CHORDC1: variants seen among roughly 807,000 people sequenced by gnomAD.
The protein encoded by CHORDC1 is cysteine and histidine-rich domain-containing protein 1.
A neutral mutation model predicts 48.3 loss-of-function variants in CHORDC1; 25 were observed. That is an observed-to-expected ratio of 0.52 (90% CI 0.38 to 0.72). The LOEUF is 0.72. CHORDC1 is among the 30% of genes least tolerant of loss of function. The pLI is 0.00. For synonymous variants in CHORDC1, 128 were observed against 126.4 expected (o/e 1.01, Z -0.09); for missense variants, 317 against 388.7 (o/e 0.82, Z 1.55).
At chr11:90,211,544 G>C in intron 4 of CHORDC1, 1 of 375,916 alleles carries the variant, frequency 2.7e-6, no homozygotes. Flanking sequence ...AAATAATCAC[G>C]CTATTGTCAG....
At chr11:90,215,123 T>G in intron 3 of CHORDC1, 51 bp downstream of exon 3, 1 of 1,078,548 alleles carries the variant, frequency 9.3e-7, no homozygotes. Flanking sequence ...TGAAGCTTTC[T>G]ATAACATGTA....
At chr11:90,217,292 A>C (rs1341624228) in intron 2 of CHORDC1, among the ~76,000 whole-genome samples, 1 of 152,232 alleles carries the variant, frequency 6.6e-6, no homozygotes, top group Non-Finnish European at 1.5e-5. Flanking sequence ...CTGAGAACCA[A>C]AGAAGTAGAA....
intron 6 of CHORDC1, 56 bp from the exon 7 acceptor site, chr11:90,206,328 A>C: frequency 5.2e-6 from 5 of 958,260 alleles, no homozygotes; most frequent in Non-Finnish European, 6.7e-6. Context: ...GTTACATCTC[A>C]TACATATTTG....
chr11:90,217,912 A>G (rs926212985), intron 2 of CHORDC1: 1 of 283,598 alleles, frequency 3.5e-6, no homozygotes. Flanking sequence ...AAAAAAAAAA[A>G]CCCAGAATTA....
At chr11:90,216,632 G>T in intron 2 of CHORDC1, 1 of 393,274 alleles carries the variant, frequency 2.5e-6, no homozygotes, top group Non-Finnish European at 4.9e-6. Flanking sequence ...ATACTTCAAA[G>T]TGAATTCATT....
chr11:90,211,073 T>G, intron 5 of CHORDC1, 142 bp downstream of exon 5: 1 of 537,268 alleles, frequency 1.9e-6, no homozygotes, highest in Non-Finnish European at 3.3e-6. Flanking sequence ...GTTTATCATA[T>G]CTGACATTTA....
intron 6 of CHORDC1, chr11:90,209,007 G>A (rs1335104736): frequency 2.6e-5 from 4 of 151,918 alleles, no homozygotes; most frequent in Non-Finnish European, 2.9e-5. Flanking sequence ...TATTACTTAC[G>A]CTTGAAATAC....
chr11:90,216,205 C>G (rs1858007726), intron 2 of CHORDC1, among the ~76,000 whole-genome samples: 2 of 152,056 alleles, frequency 1.3e-5, no homozygotes, highest in African/African-American at 2.4e-5. Flanking sequence ...AAAAGTTTTA[C>G]TGTCTTAATC....
Position 90,210,589 on chromosome 11 carries a change from C to T in CHORDC1, c.439G>A (p.Asp147Asn), listed in dbSNP as rs767726337. Residue 147 changes from aspartate to asparagine, a missense_variant, in exon 6 of 11, where the codon GAC (aspartate) becomes AAC (asparagine). Coordinates refer to ENST00000320585, the MANE Select transcript of CHORDC1 (RefSeq NM_012124.3). ...SGNEENKKEE[D>N]NDEIKIGTSC... ...GTCCCAATCTTAATTTCATCATTGT[C>T]TTCTTCTGTAACAAAGAAAAAAAAA... is the stretch of plus-strand genomic sequence containing the variant. 13 of 1,574,214 alleles carry T rather than the reference C, an allele frequency of 8.3e-6. No individual in the cohort carries two copies. Among genetic ancestry groups the T allele is most frequent in the Non-Finnish European group, 1.0e-5 (12 of 1,148,112 alleles).
intron 8 of CHORDC1, among the ~76,000 whole-genome samples, chr11:90,205,155 G>T (rs899293675): frequency 6.6e-6 from 1 of 152,090 alleles, no homozygotes; most frequent in South Asian, 2.1e-4. Flanking sequence ...AAAACAAAAA[G>T]TAGGAAGAGG....
Position 90,202,324 on chromosome 11 carries a change from A to G in CHORDC1, c.*81T>C, listed in dbSNP as rs1857559630. The G allele has an allele frequency of 7.4e-7, 1 of 1,353,752 alleles. No individual in the cohort carries two copies. Among genetic ancestry groups the G allele is most frequent in the Non-Finnish European group, 1.0e-6 (1 of 970,818 alleles). 83.9% of individuals were successfully genotyped at this position (1,353,752 alleles called of 1,614,324 possible). A position where few individuals can be genotyped will look rare whatever the true frequency, so the allele number is the denominator to read the frequency against. On this transcript the variant is annotated 3_prime_UTR_variant, in exon 11 of 11. Transcript: ENST00000320585. Reference sequence around the variant, plus strand: ...CATTCAGTAACACAACAACAAAACAAAAGATTACAGCAGCAAGCCACCACT... The same window carrying G: ...CATTCAGTAACACAACAACAAAACAGAAGATTACAGCAGCAAGCCACCACT...
At chr11:90,203,015 A>AAAAGCCACTGAC (rs1857579696) in intron 9 of CHORDC1, 140 bp from the exon 10 acceptor site, 1 of 1,125,154 alleles carries the variant, frequency 8.9e-7, no homozygotes, top group Non-Finnish European at 1.2e-6. Context: ...TTCATATGAG[A>AAAAGCCACTGAC]AAAGCCACTG....
chr11:90,219,276 CA>C (rs1230407009), intron 1 of CHORDC1, among the ~76,000 whole-genome samples: 2 of 151,736 alleles, frequency 1.3e-5, no homozygotes, highest in Admixed American at 1.3e-4. Context: ...AAAAAACAAA[CA>C]AAAAAAACTC....
chr11:90,217,998 G>A (rs1156970504), intron 2 of CHORDC1, 137 bp downstream of exon 2: 5 of 529,982 alleles, frequency 9.4e-6, no homozygotes, highest in African/African-American at 2.0e-5. Context: ...TGGAGTATAC[G>A]CTTAAAGCAC....
At chr11:90,206,062 T>C (rs1209995602) in intron 7 of CHORDC1, 140 bp downstream of exon 7, 4 of 668,284 alleles carry the variant, frequency 6.0e-6, no homozygotes, top group Non-Finnish European at 1.1e-5. Flanking sequence ...CCTGTGTTTG[T>C]GTAGGCTATT....
At chr11:90,212,640 C>T (rs914308323) in intron 4 of CHORDC1, 73 of 152,050 alleles carry the variant, frequency 4.8e-4, no homozygotes, top group African/African-American at 1.7e-3. Context: ...CTGATATCCT[C>T]ATAATTGTTA....
intron 5 of CHORDC1, 143 bp from the exon 6 acceptor site, chr11:90,210,737 T>C (rs1857837779): frequency 9.9e-6 from 6 of 605,842 alleles, no homozygotes; most frequent in Non-Finnish European, 1.5e-5. Flanking sequence ...CCCAAATTGA[T>C]ATATGACACA....
intron 2 of CHORDC1, chr11:90,216,494 T>C: frequency 2.4e-6 from 1 of 410,312 alleles, no homozygotes; most frequent in South Asian, 1.8e-5. Flanking sequence ...TATTGATGTA[T>C]ACGCATTTTG....
chr11:90,214,551 T>C (rs1271503199), intron 3 of CHORDC1, among the ~76,000 whole-genome samples: 1 of 50,830 alleles, frequency 2.0e-5, no homozygotes, highest in African/African-American at 5.1e-5. Context: ...TTATTAGTTA[T>C]ATGACCTTAA....
Sources: gnomAD v4.1 joint callset for allele counts (sites outside exome capture counted in the v4.1 genomes callset) on GRCh38, gnomAD v4.1.1 for gene constraint, MANE v1.5 for transcripts, NCBI Gene and HGNC (gene_info 2026-07-23, HGNC 2026-07-21) for gene names.